Variants in RORA observed in about 807,000 individuals in gnomAD.
The protein encoded by RORA is RAR related orphan receptor A.
Under a neutral mutation model 69.5 loss-of-function variants are expected in RORA, and 7 were observed. That is an observed-to-expected ratio of 0.10 (90% CI 0.06 to 0.19). RORA has a LOEUF of 0.19. Among genes scored for constraint, RORA ranks in the 10% least tolerant of loss-of-function variants. The pLI is 1.00. For synonymous variants in RORA, 261 were observed against 240.8 expected, an observed-to-expected ratio of 1.08 and a Z score of -0.78; for missense variants, 457 against 663.0, an observed-to-expected ratio of 0.69 and a Z score of 3.41.
chr15:60,841,771 C>CT (rs1355503686), intron 1 of RORA, among the ~76,000 whole-genome samples: 2 of 152,026 alleles, frequency 1.3e-5, no homozygotes, highest in African/African-American at 2.4e-5. Context: ...CCTTTATCTC[C>CT]TTTTTTTTGG....
At chr15:60,816,668 G>A (rs1024294078) in intron 1 of RORA, among the ~76,000 whole-genome samples, 2 of 150,386 alleles carry the variant, frequency 1.3e-5, no homozygotes, top group Non-Finnish European at 3.0e-5. Context: ...ACACCAACAT[G>A]GCACATGTAT....
chr15:60,497,721 A>G, intron 10 of RORA, 102 bp from the exon 11 acceptor site: 2 of 977,716 alleles, frequency 2.0e-6, no homozygotes, highest in Middle Eastern at 4.3e-4. Context: ...TAATGGTGAA[A>G]CACACTTAAA....
chr15:61,033,626 A>T (rs1896297211), intron 1 of RORA, among the ~76,000 whole-genome samples: 1 of 152,156 alleles, frequency 6.6e-6, no homozygotes. Flanking sequence ...TTCAAGTATT[A>T]TTTACTTGCT....
At chr15:60,775,284 G>A (rs1052310310) in intron 1 of RORA, among the ~76,000 whole-genome samples, 4 of 152,038 alleles carry the variant, frequency 2.6e-5, no homozygotes, top group Non-Finnish European at 5.9e-5. Context: ...TTAACTTGAT[G>A]GGACTGACTT....
At chr15:61,199,208 G>T (rs1376447335) in intron 1 of RORA, among the ~76,000 whole-genome samples, 2 of 151,980 alleles carry the variant, frequency 1.3e-5, no homozygotes, top group African/African-American at 4.8e-5. Context: ...AAAGCATACT[G>T]ATTATTCCTT....
At chr15:60,880,570 C>T (rs781627073) in intron 1 of RORA, among the ~76,000 whole-genome samples, 6 of 152,044 alleles carry the variant, frequency 3.9e-5, no homozygotes, top group Non-Finnish European at 8.8e-5. Context: ...ACCCAGGAGG[C>T]GGAGGTTGCA....
At chr15:60,497,694 C>G (rs2065204004) in intron 10 of RORA, 75 bp from the exon 11 acceptor site, 1 of 1,184,466 alleles carries the variant, frequency 8.4e-7, no homozygotes, top group Non-Finnish European at 1.2e-6. Flanking sequence ...CCTGAATGAT[C>G]TTTATGACAT....
intron 1 of RORA, among the ~76,000 whole-genome samples, chr15:61,167,234 G>T (rs953859980): frequency 6.6e-6 from 1 of 152,090 alleles, no homozygotes; most frequent in African/African-American, 2.4e-5. Flanking sequence ...TACTTTAAAA[G>T]ATTTTTTTTT....
chr15:61,062,824 C>G (rs1161287631), intron 1 of RORA, among the ~76,000 whole-genome samples: 1 of 152,134 alleles, frequency 6.6e-6, no homozygotes, highest in Non-Finnish European at 1.5e-5. Flanking sequence ...ATGCTCACTA[C>G]CAAGGTTCAG....
intron 1 of RORA, among the ~76,000 whole-genome samples, chr15:60,836,526 A>C (rs2073117882): frequency 6.6e-6 from 1 of 152,140 alleles, no homozygotes; most frequent in African/African-American, 2.4e-5. Context: ...GACACTAAGA[A>C]AATCCCCAGC....
chr15:61,083,916 G>A (rs557085152), intron 1 of RORA, among the ~76,000 whole-genome samples: 1 of 152,154 alleles, frequency 6.6e-6, no homozygotes, highest in African/African-American at 2.4e-5. Flanking sequence ...TATGAAGAAA[G>A]CACAAACAAA....
chr15:60,811,655 G>C (rs2072744567), intron 1 of RORA, among the ~76,000 whole-genome samples: 1 of 152,128 alleles, frequency 6.6e-6, no homozygotes, highest in African/African-American at 2.4e-5. Flanking sequence ...TCTTTGAAAA[G>C]AAATCTTAAT....
At chr15:60,719,306 T>C (rs2071263514) in intron 1 of RORA, among the ~76,000 whole-genome samples, 1 of 145,304 alleles carries the variant, frequency 6.9e-6, no homozygotes, top group South Asian at 2.1e-4. Context: ...AATAAAAAAA[T>C]GTGTGTGTGT....
At chr15:60,623,815 T>C (rs1413072324) in intron 2 of RORA, among the ~76,000 whole-genome samples, 1 of 152,234 alleles carries the variant, frequency 6.6e-6, no homozygotes, top group African/African-American at 2.4e-5. Flanking sequence ...ATCAAAACTA[T>C]TGGTTGATCA....
intron 1 of RORA, among the ~76,000 whole-genome samples, chr15:60,714,597 T>C (rs1429211936): frequency 4.1e-5 from 6 of 146,402 alleles, no homozygotes; most frequent in East Asian, 4.1e-4. Context: ...ACTCCTGACC[T>C]CAGGTGATCC....
Position 60,491,716 on chromosome 15 carries a change from A to G in RORA, c.*5739T>C, listed in dbSNP as rs914533194. ...TGACAACACTGATCTCACCTACACAAACAGACAGACAGACCCAGAAGTGAA... is the reference window on the plus strand; with the variant it reads ...TGACAACACTGATCTCACCTACACAGACAGACAGACAGACCCAGAAGTGAA... On this transcript the variant is annotated 3_prime_UTR_variant, in exon 11 of 11. Coordinates refer to ENST00000335670, the MANE Select transcript of RORA (RefSeq NM_134261.3). 2 of 151,866 alleles carry G rather than the reference A, an allele frequency of 1.3e-5. No homozygotes were observed. The highest frequency in any genetic ancestry group is 2.9e-5 in the Non-Finnish European group (2 of 67,950). 9.4% of individuals were successfully genotyped at this position (151,866 alleles called of 1,614,324 possible).
chr15:61,154,214 A>C (rs1294676177), intron 1 of RORA, among the ~76,000 whole-genome samples: 2 of 152,080 alleles, frequency 1.3e-5, no homozygotes, highest in Non-Finnish European at 2.9e-5. Flanking sequence ...TTTGACTGAC[A>C]TTCTTTTTCT....
intron 1 of RORA, chr15:61,039,098 T>G (rs1233465294): frequency 6.6e-6 from 1 of 152,230 alleles, no homozygotes; most frequent in Admixed American, 6.5e-5. Flanking sequence ...TGGGGTTAGC[T>G]CGTCCTTGGC....
chr15:61,092,044 G>A (rs1275605052), intron 1 of RORA, among the ~76,000 whole-genome samples: 1 of 152,200 alleles, frequency 6.6e-6, no homozygotes, highest in Non-Finnish European at 1.5e-5. Context: ...GCTAAAGTTG[G>A]TCTATGCAAT....
Sources: gnomAD v4.1 joint callset for allele counts (sites outside exome capture counted in the v4.1 genomes callset) on GRCh38, gnomAD v4.1.1 for gene constraint, MANE v1.5 for transcripts, NCBI Gene and HGNC (gene_info 2026-07-23, HGNC 2026-07-21) for gene names.